Variants in KATNA1 observed in about 807,000 individuals in gnomAD.
KATNA1 encodes katanin catalytic subunit A1.
A neutral mutation model predicts 62.6 loss-of-function variants in KATNA1; 42 were observed. That is an observed-to-expected ratio of 0.67 (90% confidence interval 0.52 to 0.87). The LOEUF is 0.87. KATNA1 is among the 40% of genes least tolerant of loss of function. The pLI, the probability that KATNA1 is intolerant of heterozygous loss-of-function variation, is 0.00. For synonymous variants in KATNA1, 186 were observed against 201.9 expected, an observed-to-expected ratio of 0.92 and a Z score of 0.67; for missense variants, 498 against 612.5, an observed-to-expected ratio of 0.81 and a Z score of 1.97.
intron 1 of KATNA1, among the ~76,000 whole-genome samples, chr6:149,643,363 G>A (rs1481303730): frequency 6.6e-6 from 1 of 152,204 alleles, no homozygotes; most frequent in African/African-American, 2.4e-5. Context: ...CAGTGAAACA[G>A]TGAAAGAGAT....
At chr6:149,619,625 A>C (rs1470179048) in intron 4 of KATNA1, among the ~76,000 whole-genome samples, 1 of 152,032 alleles carries the variant, frequency 6.6e-6, no homozygotes, top group African/African-American at 2.4e-5. Context: ...AAAAAAAAAA[A>C]GACAAAAACT....
chr6:149,597,462 A>G (rs1348243638), intron 9 of KATNA1, 45 bp downstream of exon 9: 1 of 1,601,086 alleles, frequency 6.2e-7, no homozygotes, highest in South Asian at 1.1e-5. Flanking sequence ...AAACAAAACT[A>G]CATGAAAGTT....
chr6:149,605,362 G>A (rs1389136349), intron 4 of KATNA1, among the ~76,000 whole-genome samples: 1 of 152,088 alleles, frequency 6.6e-6, no homozygotes, highest in East Asian at 1.9e-4. Context: ...GTGAATATCA[G>A]ATATACACAA....
intron 1 of KATNA1, among the ~76,000 whole-genome samples, chr6:149,641,090 G>T (rs181671795): frequency 6.7e-6 from 1 of 148,294 alleles, no homozygotes; most frequent in African/African-American, 2.5e-5. Context: ...CGCTGGTCTC[G>T]AACTCCCGAT....
At chr6:149,646,621 T>C (rs1780495953) in intron 1 of KATNA1, among the ~76,000 whole-genome samples, 1 of 152,138 alleles carries the variant, frequency 6.6e-6, no homozygotes. Flanking sequence ...ATATGATAAA[T>C]ACTTAAGCAC....
chr6:149,628,831 AG>A lies in KATNA1; in HGVS notation c.320+3927del, dbSNP rs1392193107. Among the ~76,000 whole-genome samples the A allele has an allele frequency of 2.0e-5, 3 of 150,746 alleles. No homozygotes were observed. In the East Asian group the frequency reaches 5.8e-4, roughly 29 times the overall value. On this transcript the variant is annotated intron_variant, in intron 3 of 10. Coordinates refer to ENST00000367411, the MANE Select transcript of KATNA1 (RefSeq NM_007044.4). ...CGAGACTCCATCTCAAAAAAAAAAA[AG>A]AAAAAAAAAAGAATGACCCTCTTAA...
intron 3 of KATNA1, chr6:149,631,573 A>C (rs1250900921): frequency 8.6e-5 from 13 of 151,374 alleles, no homozygotes; most frequent in Non-Finnish European, 1.8e-4. Context: ...ACAAAAAAAA[A>C]ACAAAAAAAA....
At chr6:149,611,732 G>C (rs942302957) in intron 4 of KATNA1, among the ~76,000 whole-genome samples, 2 of 152,286 alleles carry the variant, frequency 1.3e-5, no homozygotes, top group Non-Finnish European at 2.9e-5. Context: ...AGGCATGGTG[G>C]CTTATGCCTG....
Position 149,597,647 on chromosome 6 carries a change from A to T in KATNA1, c.1016-6T>A. On this transcript the variant is annotated splice_region_variant and splice_polypyrimidine_tract_variant and intron_variant, in intron 8 of 10. Transcript: ENST00000367411. ...TTCAGAAGTACCTCCAACACCTAAA[A>T]TAAGGGTAAGGGGAGAGTGAAAAAG... 1 of 1,612,888 alleles carries T rather than the reference A, an allele frequency of 6.2e-7. No homozygotes were observed. The highest frequency in any genetic ancestry group is 1.3e-5 in the African/African-American group (1 of 75,018).
chr6:149,627,208 C>G (rs1779648638), intron 3 of KATNA1, among the ~76,000 whole-genome samples: 1 of 151,334 alleles, frequency 6.6e-6, no homozygotes, highest in Admixed American at 6.6e-5. Context: ...GTCTGGCCAA[C>G]ATGGAGAAAC....
intron 2 of KATNA1, among the ~76,000 whole-genome samples, chr6:149,636,682 C>A (rs1306720755): frequency 2.0e-5 from 3 of 151,122 alleles, no homozygotes; most frequent in Admixed American, 1.3e-4. Context: ...TGCTCTGTTG[C>A]CAGGCTGGAG....
intron 1 of KATNA1, among the ~76,000 whole-genome samples, chr6:149,647,971 C>A (rs1351865593): frequency 6.6e-6 from 1 of 152,142 alleles, no homozygotes; most frequent in Non-Finnish European, 1.5e-5. Context: ...CTAAAAGGTA[C>A]CAACTCTAAA....
intron 1 of KATNA1, among the ~76,000 whole-genome samples, chr6:149,642,872 TA>T (rs887620485): frequency 2.0e-5 from 3 of 151,992 alleles, no homozygotes; most frequent in African/African-American, 7.2e-5. Context: ...AAAATAAATA[TA>T]ACAAAAGAAG....
rs779605721 is a variant in KATNA1 at position 149,604,716 on chromosome 6, C to A, written c.568G>T (p.Asp190Tyr). 3.7e-6 allele frequency: 6 copies of A among 1,612,616 alleles called. No homozygotes were observed. The Admixed American group carries it at 1.0e-4, about 27-fold the overall frequency. Residue 190 changes from aspartate (D) to tyrosine (Y), a missense_variant, in exon 5 of 11, where the codon GAC (aspartate) becomes TAC (tyrosine). By Grantham distance (160) the Asp-to-Tyr change is radical (BLOSUM62 -3). This residue lies in a region of KATNA1 where 203 missense variants were observed against 198.4 expected (regional missense o/e 1.02). Coordinates refer to ENST00000367411, the MANE Select transcript of KATNA1 (RefSeq NM_007044.4). ...NKFDSTGYDK[D>Y]LVEALERDII... The stretch of plus-strand genomic sequence containing the variant: ...TCTCTTTCCAAAGCTTCTACTAAGT[C>A]TTTATCATATCCGGTACTATCAAAT...
At chr6:149,619,010 T>C (rs948541231) in intron 4 of KATNA1, among the ~76,000 whole-genome samples, 1 of 152,026 alleles carries the variant, frequency 6.6e-6, no homozygotes, top group Non-Finnish European at 1.5e-5. Flanking sequence ...TTCTGCACAG[T>C]AAAGGCAACA....
chr6:149,641,904 T>C (rs1780305894), intron 1 of KATNA1, among the ~76,000 whole-genome samples: 1 of 152,188 alleles, frequency 6.6e-6, no homozygotes, highest in East Asian at 1.9e-4. Context: ...TTTATTCTTT[T>C]ATTTTTTATT....
rs890524882 is a variant in KATNA1 at position 149,624,192 on chromosome 6, A to G, written c.321-909T>C. On this transcript the variant is annotated intron_variant, in intron 3 of 10. Coordinates refer to ENST00000367411, the MANE Select transcript of KATNA1 (RefSeq NM_007044.4). ...AGCACTTCCTTTGGCATGACCTTTG[A>G]GTGTCATGTTGGTGCTCAAAAAGTT... is the stretch of plus-strand genomic sequence containing the variant. Among the ~76,000 whole-genome samples the G allele has an allele frequency of 2.6e-5, 4 of 152,252 alleles. No homozygotes were observed. The East Asian group carries it at 7.7e-4, about 29-fold the overall frequency.
chr6:149,620,377 C>T (rs1041446727), intron 4 of KATNA1, among the ~76,000 whole-genome samples: 1 of 152,076 alleles, frequency 6.6e-6, no homozygotes, highest in Non-Finnish European at 1.5e-5. Flanking sequence ...TGGCTCACTC[C>T]GCCTCCCAGG....
chr6:149,610,906 A>G (rs1179398801), intron 4 of KATNA1, among the ~76,000 whole-genome samples: 1 of 152,120 alleles, frequency 6.6e-6, no homozygotes, highest in African/African-American at 2.4e-5. Context: ...CCAACGTGGC[A>G]AAACCCCGTC....
Sources: allele counts gnomAD v4.1 joint callset (sites outside exome capture counted in the v4.1 genomes callset), GRCh38; gene constraint gnomAD v4.1.1; regional missense constraint gnomAD v4.1.1; transcripts MANE v1.5; gene names NCBI Gene and HGNC (gene_info 2026-07-23, HGNC 2026-07-21).